Variants in TNPO2 observed in about 807,000 individuals in gnomAD.
The protein encoded by TNPO2 is transportin 2, also known as transportin-2.
In TNPO2, 16 loss-of-function variants were observed where a neutral mutation model predicts 111.1. The ratio of observed to expected loss-of-function variants is 0.14; its 90% CI spans 0.10 to 0.22. The LOEUF (loss-of-function observed/expected upper bound fraction) is 0.22, where lower values mean the gene tolerates loss of function less well. Ranked by LOEUF, TNPO2 falls within the 10% of genes least tolerant of loss-of-function variation. The pLI, the probability that TNPO2 is intolerant of heterozygous loss-of-function variation, is 1.00. For synonymous variants in TNPO2, 481 were observed against 475.8 expected (o/e 1.01, Z -0.14); for missense variants, 530 against 1,173.7 (o/e 0.45, Z 8.01).
In TNPO2 at chr19:12,706,064, C is replaced by T. The variant is rs571548023; in HGVS notation, c.1668+132G>A. 1.2e-4 allele frequency: 127 copies of T among 1,017,952 alleles called. 1 individual carries two copies. In the East Asian group the frequency reaches 2.8e-3, roughly 23 times the overall value. The allele number at this position is 1,017,952 out of a possible 1,614,324, so 63.1% of individuals were successfully genotyped here. A position where few individuals can be genotyped will look rare whatever the true frequency, so the allele number is the denominator to read the frequency against. On this transcript the variant is annotated intron_variant, in intron 15 of 25. Transcript: ENST00000425528. This position sits in a 1 kb window ranked among gnomAD's most constrained non-coding sequence, Gnocchi z 7.0. ...CACTAGACTGGGAGCAGGGCGAGGGCGGGGCCGGGTCTGTCTGTCTGCCTG... is the reference window on the plus strand; with the variant it reads ...CACTAGACTGGGAGCAGGGCGAGGGTGGGGCCGGGTCTGTCTGTCTGCCTG...
At position 12,702,019 on chromosome 19, in the gene TNPO2, G is replaced by A. The variant is rs2025341499; in HGVS notation, c.2411+53C>T. ...GCTGGAAATGCACAGGCGAGGGAGG[G>A]GGTTGGGCCAGTCCCGCCCACCACA... On this transcript the variant is annotated intron_variant, in intron 22 of 25. Transcript: ENST00000425528. The surrounding 1 kb of genome is among the most constrained non-coding windows in gnomAD (Gnocchi z 5.5). The A allele has an allele frequency of 2.6e-5, 40 of 1,558,346 alleles. No homozygotes were observed. Among genetic ancestry groups the A allele is most frequent in the Non-Finnish European group, 3.5e-5 (40 of 1,130,236 alleles).
intron 20 of TNPO2, 129 bp downstream of exon 20, chr19:12,703,298 GC>G (rs2025436690): frequency 2.7e-6 from 2 of 749,328 alleles, no homozygotes; most frequent in Non-Finnish European, 4.4e-6. Flanking sequence ...TGACCTTTCT[GC>G]TTGGCTCCAC....
rs1419750742 is a variant in TNPO2 at position 12,700,287 on chromosome 19, G to A, written c.*977C>T. 8.1e-6 allele frequency: 1 copy of A among 123,850 alleles called. No individual in the cohort carries two copies. The highest frequency in any genetic ancestry group is 1.7e-5 in the Non-Finnish European group (1 of 58,000). The allele number at this position is 123,850 out of a possible 1,614,324, so 7.7% of individuals were successfully genotyped here. A position where few individuals can be genotyped will look rare whatever the true frequency, so the allele number is the denominator to read the frequency against. On this transcript the variant is annotated 3_prime_UTR_variant, in exon 26 of 26. Transcript: ENST00000425528. The stretch of plus-strand genomic sequence containing the variant: ...ACTGGGGCCTGAAACGTGAGAAGGG[G>A]GTTTCAGAAGCACAGAGAAACGGAC...
intron 13 of TNPO2, among the ~76,000 whole-genome samples, chr19:12,708,242 C>T (rs2025818456): frequency 6.6e-6 from 1 of 152,132 alleles, no homozygotes; most frequent in African/African-American, 2.4e-5. Context: ...AAGTGATTGT[C>T]GTGCCTCAGC....
chr19:12,711,399 G>A lies in TNPO2; in HGVS notation c.1014C>T (p.His338=), dbSNP rs376513211. 2.5e-6 allele frequency: 4 copies of A among 1,613,918 alleles called. No homozygotes were observed. Among genetic ancestry groups the A allele is most frequent in the Non-Finnish European group, 3.4e-6 (4 of 1,179,910 alleles). Residue 338 remains histidine, a synonymous_variant, in exon 12 of 26, where the codon CAC becomes CAT. Coordinates refer to ENST00000425528, the MANE Select transcript of TNPO2 (RefSeq NM_001382241.1). ...GGGGCAGTGTGACCGTGCGTGACTT[G>A]TGGAAGCGTGGCTTGATGTCCTGCT... The part of the protein sequence containing the change: ...DSEQDIKPRF[H]KSRTVTLPHE...
At position 12,715,776 on chromosome 19, in the gene TNPO2, G is replaced by A. The variant is rs767766905; in HGVS notation, c.326-37C>T. 4 of 1,546,412 alleles carry A rather than the reference G, an allele frequency of 2.6e-6. No homozygotes were observed. Among genetic ancestry groups the A allele is most frequent in the Non-Finnish European group, 3.5e-6 (4 of 1,140,066 alleles). ...GGGAAAGGACGCTGCCTGAGGCTGG[G>A]CAGGGGCTGCCTAGCACCTCCCCCT... On this transcript the variant is annotated intron_variant, in intron 5 of 25. Coordinates refer to ENST00000425528, the MANE Select transcript of TNPO2 (RefSeq NM_001382241.1). The surrounding 1 kb of genome is among the most constrained non-coding windows in gnomAD (Gnocchi z 7.1).
rs1285603240 is a variant in TNPO2 at position 12,700,485 on chromosome 19, C to T, written c.*779G>A. Reference sequence around the variant, plus strand: ...CAGCCCCAGCCACTCCAGTGGTTCTCACCCTGCGAGCTAGGCTAGGATAAG... The same window carrying T: ...CAGCCCCAGCCACTCCAGTGGTTCTTACCCTGCGAGCTAGGCTAGGATAAG... On this transcript the variant is annotated 3_prime_UTR_variant, in exon 26 of 26. Transcript: ENST00000425528. 1 of 152,320 alleles carries T rather than the reference C, an allele frequency of 6.6e-6. No individual in the cohort carries two copies. Among genetic ancestry groups the T allele is most frequent in the African/African-American group, 2.4e-5 (1 of 41,456 alleles). The allele number at this position is 152,320 out of a possible 1,614,324, so 9.4% of individuals were successfully genotyped here.
At chr19:12,704,820 T>C (rs1464865543) in intron 18 of TNPO2, among the ~76,000 whole-genome samples, 1 of 152,010 alleles carries the variant, frequency 6.6e-6, no homozygotes, top group Non-Finnish European at 1.5e-5. Context: ...GTAGCTGGGA[T>C]TACAGGCGCC....
Position 12,706,808 on chromosome 19 carries a change from G to T in TNPO2, c.1271-13C>A. The T allele has an allele frequency of 6.3e-7, 1 of 1,587,346 alleles. No individual in the cohort carries two copies. Among genetic ancestry groups the T allele is most frequent in the Non-Finnish European group, 8.6e-7 (1 of 1,167,446 alleles). On this transcript the variant is annotated splice_polypyrimidine_tract_variant and intron_variant, in intron 13 of 25. Coordinates refer to ENST00000425528, the MANE Select transcript of TNPO2 (RefSeq NM_001382241.1). This position sits in a 1 kb window ranked among gnomAD's most constrained non-coding sequence, Gnocchi z 7.0. Reference sequence around the variant, plus strand: ...CCCTGCATGCAGCCTACAAGGAAAGGGAACCAAGAGGGGGCAGTTTGATTG... The same window carrying T: ...CCCTGCATGCAGCCTACAAGGAAAGTGAACCAAGAGGGGGCAGTTTGATTG...
intron 13 of TNPO2, 38 bp downstream of exon 13, chr19:12,710,583 T>G (rs758597197): frequency 6.2e-7 from 1 of 1,605,504 alleles, no homozygotes; most frequent in Non-Finnish European, 8.5e-7. Flanking sequence ...CCCTACAGTC[T>G]CATGCCAGCA....
chr19:12,711,866 GTTTT>G (rs35251364), intron 10 of TNPO2, among the ~76,000 whole-genome samples: 1 of 142,530 alleles, frequency 7.0e-6, no homozygotes, highest in Non-Finnish European at 1.5e-5. Flanking sequence ...CCAGAGAAAG[GTTTT>G]TTTTTTTTTT....
chr19:12,714,780 G>T (rs769013560), intron 10 of TNPO2, 41 bp downstream of exon 10: 5 of 1,546,220 alleles, frequency 3.2e-6, no homozygotes, highest in Admixed American at 1.7e-5. Context: ...ATAGCAAGGG[G>T]TCGAAGCTGG....
In TNPO2 at chr19:12,705,099, G is replaced by A. The variant is rs1487501620; in HGVS notation, c.2022+141C>T. ...TCCTGGGCTCAAGCAATCCTGCCTC[G>A]GCCTCCAGGATTACTCTTTAAAATA... On this transcript the variant is annotated intron_variant, in intron 18 of 25. Coordinates refer to ENST00000425528, the MANE Select transcript of TNPO2 (RefSeq NM_001382241.1). This position sits in a 1 kb window ranked among gnomAD's most constrained non-coding sequence, Gnocchi z 7.2. The A allele has an allele frequency of 1.8e-5, 16 of 877,660 alleles. No homozygotes were observed. The East Asian group carries it at 3.2e-4, about 18-fold the overall frequency. 54.4% of individuals were successfully genotyped at this position (877,660 alleles called of 1,614,324 possible).
At position 12,702,178 on chromosome 19, in the gene TNPO2, CT is replaced by C; in HGVS notation, c.2306-2del. On this transcript the variant is annotated splice_acceptor_variant, in intron 21 of 25. Coordinates refer to ENST00000425528, the MANE Select transcript of TNPO2 (RefSeq NM_001382241.1). LOFTEE classifies it high-confidence loss of function. The surrounding 1 kb of genome is among the most constrained non-coding windows in gnomAD (Gnocchi z 5.5). Reference sequence around the variant, plus strand: ...ATGGCAGAGGGACTCGTCAGGCGACCTGCAACCCCGAGCGGCCCCGGGACGG... The same window carrying C: ...ATGGCAGAGGGACTCGTCAGGCGACCGCAACCCCGAGCGGCCCCGGGACGG... 1 of 1,612,686 alleles carries C rather than the reference CT, an allele frequency of 6.2e-7. No individual in the cohort carries two copies. The highest frequency in any genetic ancestry group is 8.5e-7 in the Non-Finnish European group (1 of 1,179,580).
chr19:12,705,192 G>A lies in TNPO2; in HGVS notation c.2022+48C>T. ...AGGCCCTGACTCCCCACCAGGGGCAGCCCACGCAGGCTGCTGGGTGTCATC... is the reference window on the plus strand; with the variant it reads ...AGGCCCTGACTCCCCACCAGGGGCAACCCACGCAGGCTGCTGGGTGTCATC... On this transcript the variant is annotated intron_variant, in intron 18 of 25. Coordinates refer to ENST00000425528, the MANE Select transcript of TNPO2 (RefSeq NM_001382241.1). The surrounding 1 kb of genome is among the most constrained non-coding windows in gnomAD (Gnocchi z 7.2). 6.4e-7 allele frequency: 1 copy of A among 1,558,754 alleles called. No homozygotes were observed. Among genetic ancestry groups the A allele is most frequent in the Non-Finnish European group, 8.7e-7 (1 of 1,149,226 alleles).
rs1392328661 is a variant in TNPO2 at position 12,719,808 on chromosome 19, A to G, written c.100-472T>C. ...AGCAAGACTCCATCTTGAAAAAAAA[A>G]AAAATCATACAAGGAGTTGGGTGGA... On this transcript the variant is annotated intron_variant, in intron 3 of 25. Transcript: ENST00000425528. This position sits in a 1 kb window ranked among gnomAD's most constrained non-coding sequence, Gnocchi z 5.0. Among the ~76,000 whole-genome samples the G allele has an allele frequency of 6.6e-6, 1 of 151,634 alleles. No homozygotes were observed. Among genetic ancestry groups the G allele is most frequent in the Admixed American group, 6.6e-5 (1 of 15,218 alleles).
intron 10 of TNPO2, among the ~76,000 whole-genome samples, chr19:12,713,644 T>A (rs932127423): frequency 6.6e-6 from 1 of 152,078 alleles, no homozygotes; most frequent in East Asian, 1.9e-4. Flanking sequence ...GGGCGGAGGT[T>A]GCAGTGAGCC....
At chr19:12,711,652 G>T in intron 10 of TNPO2, 39 bp from the exon 11 acceptor site, 1 of 1,593,168 alleles carries the variant, frequency 6.3e-7, no homozygotes, top group Non-Finnish European at 8.6e-7. Flanking sequence ...TGCAGGGGCC[G>T]TGGCAAAAGT....
chr19:12,701,931 G>A lies in TNPO2; in HGVS notation c.2412-80C>T, dbSNP rs961181464. ...GAGGGCTGGGTCACTGGGGATCAGTGAGTGGGCCTGGGACATGCATCTGTG... is the reference window on the plus strand; with the variant it reads ...GAGGGCTGGGTCACTGGGGATCAGTAAGTGGGCCTGGGACATGCATCTGTG... On this transcript the variant is annotated intron_variant, in intron 22 of 25. Transcript: ENST00000425528. This position sits in a 1 kb window ranked among gnomAD's most constrained non-coding sequence, Gnocchi z 5.0. The A allele has an allele frequency of 6.2e-6, 9 of 1,440,610 alleles. No individual in the cohort carries two copies. The Admixed American group carries it at 1.0e-4, about 16-fold the overall frequency. 89.2% of individuals were successfully genotyped at this position (1,440,610 alleles called of 1,614,324 possible).
Sources: gnomAD v4.1 joint callset for allele counts (sites outside exome capture counted in the v4.1 genomes callset) on GRCh38, gnomAD v4.1.1 for gene constraint, Gnocchi (gnomAD v3.1) non-coding constraint, MANE v1.5 for transcripts, NCBI Gene and HGNC (gene_info 2026-07-23, HGNC 2026-07-21) for gene names.